SH3RF1: variants seen among roughly 807,000 people sequenced by gnomAD.
SH3RF1 encodes the protein SH3 domain containing ring finger 1, also known as E3 ubiquitin-protein ligase SH3RF1.
A neutral mutation model predicts 74.0 loss-of-function variants in SH3RF1; 32 were observed. That is an observed-to-expected ratio of 0.43 (90% CI 0.33 to 0.58). SH3RF1 has a LOEUF of 0.58. Among genes scored for constraint, SH3RF1 ranks in the 20% least tolerant of loss-of-function variants. SH3RF1 has a pLI of 0.05. For synonymous variants in SH3RF1, 396 were observed against 439.6 expected (o/e 0.90, Z 1.24); for missense variants, 954 against 1,130.9 (o/e 0.84, Z 2.24).
intron 4 of SH3RF1, among the ~76,000 whole-genome samples, chr4:169,139,263 G>A (rs998166304): frequency 1.3e-4 from 20 of 152,152 alleles, no homozygotes; most frequent in Non-Finnish European, 2.6e-4. Context: ...ATTATGTGCT[G>A]AATAATGTGC....
chr4:169,257,663 G>T (rs1385494298), intron 2 of SH3RF1, among the ~76,000 whole-genome samples: 1 of 152,188 alleles, frequency 6.6e-6, no homozygotes, highest in Non-Finnish European at 1.5e-5. Flanking sequence ...TCTAAATATG[G>T]TTCTAAAGTG....
chr4:169,135,984 T>C (rs1733692849), intron 5 of SH3RF1, among the ~76,000 whole-genome samples: 1 of 152,210 alleles, frequency 6.6e-6, no homozygotes, highest in South Asian at 2.1e-4. Context: ...AAAGTTTTAG[T>C]TGGCAAGATC....
At chr4:169,165,365 G>C (rs1734218404) in intron 2 of SH3RF1, among the ~76,000 whole-genome samples, 1 of 152,092 alleles carries the variant, frequency 6.6e-6, no homozygotes, top group Admixed American at 6.6e-5. Flanking sequence ...GGGGTGTGTT[G>C]AGAACATGTT....
rs76281903 is a variant in SH3RF1 at position 169,228,538 on chromosome 4, T to G, written c.393+40282A>C. The stretch of plus-strand genomic sequence containing the variant: ...CACATAACATCACTCGGACCTTGTC[T>G]TCTGCCTCGCTATTCCACTTCTAAA... On this transcript the variant is annotated intron_variant, in intron 2 of 11. Coordinates refer to ENST00000284637, the MANE Select transcript of SH3RF1 (RefSeq NM_020870.4). Among the ~76,000 whole-genome samples, 642 of 152,308 alleles carry G rather than the reference T, an allele frequency of 4.2e-3. 5 individuals carry two copies. The highest frequency in any genetic ancestry group is 0.015 in the African/African-American group (611 of 41,556).
intron 2 of SH3RF1, among the ~76,000 whole-genome samples, chr4:169,173,598 C>A (rs1734366891): frequency 6.6e-6 from 1 of 152,090 alleles, no homozygotes; most frequent in Admixed American, 6.6e-5. Context: ...AGCTGGTGAT[C>A]CTGAGGCGCT....
intron 4 of SH3RF1, among the ~76,000 whole-genome samples, chr4:169,152,709 C>A (rs997837432): frequency 1.6e-4 from 24 of 152,164 alleles, no homozygotes; most frequent in African/African-American, 5.6e-4. Flanking sequence ...TGCACTCCAG[C>A]CTGCGCAACA....
intron 2 of SH3RF1, among the ~76,000 whole-genome samples, chr4:169,183,516 G>C (rs1347633380): frequency 6.6e-5 from 10 of 151,982 alleles, no homozygotes; most frequent in African/African-American, 2.4e-4. Context: ...CCTAACCTCA[G>C]GTGATCCACC....
At chr4:169,106,192 A>C (rs775594951) in intron 11 of SH3RF1, among the ~76,000 whole-genome samples, 1 of 151,766 alleles carries the variant, frequency 6.6e-6, no homozygotes, top group Non-Finnish European at 1.5e-5. Context: ...CACTCACTGC[A>C]ACCTCTGCCT....
At chr4:169,118,131 C>T (rs1040509176) in intron 8 of SH3RF1, among the ~76,000 whole-genome samples, 1 of 152,222 alleles carries the variant, frequency 6.6e-6, no homozygotes, top group Admixed American at 6.5e-5. Context: ...CATTCCCTGA[C>T]AATATCCCCA....
chr4:169,250,155 A>G (rs1561064612), intron 2 of SH3RF1, among the ~76,000 whole-genome samples: 1 of 152,222 alleles, frequency 6.6e-6, no homozygotes. Context: ...ATAAAAAAGC[A>G]TTCCTTTCCA....
intron 2 of SH3RF1, among the ~76,000 whole-genome samples, chr4:169,242,366 T>C (rs1250441711): frequency 6.6e-6 from 1 of 152,248 alleles, no homozygotes; most frequent in Non-Finnish European, 1.5e-5. Flanking sequence ...AAATGAAATA[T>C]CGCTTCTAAA....
intron 11 of SH3RF1, among the ~76,000 whole-genome samples, chr4:169,102,869 G>A (rs1027427969): frequency 1.3e-5 from 2 of 148,432 alleles, no homozygotes; most frequent in Admixed American, 6.7e-5. Context: ...TTTATACCAC[G>A]TGGTTGCTTC....
intron 2 of SH3RF1, among the ~76,000 whole-genome samples, chr4:169,202,993 T>C (rs1234198381): frequency 1.3e-5 from 2 of 152,152 alleles, no homozygotes; most frequent in Non-Finnish European, 2.9e-5. Context: ...CTATTTGGGA[T>C]AGACAGCTCT....
intron 2 of SH3RF1, among the ~76,000 whole-genome samples, chr4:169,255,631 A>ACACACACC (rs1374561881): frequency 6.8e-6 from 1 of 146,948 alleles, no homozygotes; most frequent in Non-Finnish European, 1.5e-5. Flanking sequence ...ATACACACAC[A>ACACACACC]CACACACACA....
chr4:169,238,564 C>G (rs1258785163), intron 2 of SH3RF1, among the ~76,000 whole-genome samples: 1 of 152,186 alleles, frequency 6.6e-6, no homozygotes, highest in Non-Finnish European at 1.5e-5. Context: ...GCTGAAGTGA[C>G]TTTCCAAAAA....
rs1452309449 is a variant in SH3RF1, at chr4:169,095,188, T to C, written c.*1331A>G. 6.6e-6 allele frequency: 1 copy of C among 152,648 alleles called. No homozygotes were observed. The highest frequency in any genetic ancestry group is 2.4e-5 in the African/African-American group (1 of 41,456). 9.5% of individuals were successfully genotyped at this position (152,648 alleles called of 1,614,324 possible). On this transcript the variant is annotated 3_prime_UTR_variant, in exon 12 of 12. Transcript: ENST00000284637. ...CAGAGCTCCACAGTCACAGGAGTAG[T>C]CTCCTGGTTAACTCATCCTTGATGT...
chr4:169,204,685 G>A lies in SH3RF1; in HGVS notation c.394-48006C>T, dbSNP rs12500619. ...CCTACCTCAGCCCCCTGAGTAGCTG[G>A]GACTACAGGCATGCACTACCACGCC... On this transcript the variant is annotated intron_variant, in intron 2 of 11. Coordinates refer to ENST00000284637, the MANE Select transcript of SH3RF1 (RefSeq NM_020870.4). Among the ~76,000 whole-genome samples, 127 of 151,814 alleles carry A rather than the reference G, an allele frequency of 8.4e-4. 1 individual carries two copies. Among genetic ancestry groups the A allele is most frequent in the East Asian group, 5.4e-3 (28 of 5,142 alleles).
chr4:169,225,804 G>A (rs1342344999), intron 2 of SH3RF1, among the ~76,000 whole-genome samples: 1 of 152,166 alleles, frequency 6.6e-6, no homozygotes, highest in Non-Finnish European at 1.5e-5. Context: ...TTAACTTGCA[G>A]AGCTTAAAGA....
At chr4:169,101,236 T>C (rs927198454) in intron 11 of SH3RF1, among the ~76,000 whole-genome samples, 1 of 152,224 alleles carries the variant, frequency 6.6e-6, no homozygotes, top group African/African-American at 2.4e-5. Flanking sequence ...AGAAAAAGCC[T>C]AGTTGTATAG....
Sources: gnomAD v4.1 joint callset for allele counts (sites outside exome capture counted in the v4.1 genomes callset) on GRCh38, gnomAD v4.1.1 for gene constraint, MANE v1.5 for transcripts, NCBI Gene and HGNC (gene_info 2026-07-23, HGNC 2026-07-21) for gene names.